The following DMD variants were observed in gnomAD, a reference collection of about 807,000 sequenced individuals.
DMD encodes dystrophin.
A neutral mutation model predicts 330.1 loss-of-function variants in DMD; 63 were observed. The observed-to-expected ratio is 0.19, with a 90% CI of 0.16 to 0.24. The LOEUF (loss-of-function observed/expected upper bound fraction) is 0.24, where lower values mean the gene tolerates loss of function less well. Among genes scored for constraint, DMD ranks in the 10% least tolerant of loss-of-function variants. DMD has a pLI of 1.00. For missense variants in DMD, 3,344 were observed against 2,684.1 expected (o/e 1.25, Z -5.43); for synonymous variants, 1,223 against 959.8 (o/e 1.27, Z -5.07).
intron 44 of DMD, among the ~76,000 whole-genome samples, chrX:32,118,465 C>T (rs1377359018): frequency 9.0e-6 from 1 of 110,740 alleles, no homozygotes; most frequent in Non-Finnish European, 1.9e-5. Flanking sequence ...GGGCTAAACC[C>T]AAGGAACTTC....
chrX:31,729,731 C>G lies in DMD; in HGVS notation c.7560G>C (p.Leu2520Phe). The G allele has an allele frequency of 8.3e-7, 1 of 1,210,025 alleles. No individual in the cohort carries two copies. The highest frequency in any genetic ancestry group is 1.1e-6 in the Non-Finnish European group (1 of 893,975). Residue 2520 changes from leucine to phenylalanine, a missense_variant, in exon 52 of 79, where the codon TTG (leucine) becomes TTC (phenylalanine). Coordinates refer to ENST00000357033, the MANE Select transcript of DMD (RefSeq NM_004006.3). ...IIKQKATMQD[L>F]EQRRPQLEEL... The stretch of plus-strand genomic sequence containing the variant: ...CTTCCAACTGGGGACGCCTCTGTTC[C>G]AAATCCTGCATTGTTGCCTGTAAGA...
chrX:32,735,621 C>A (rs1427775719), intron 7 of DMD, among the ~76,000 whole-genome samples: 17 of 110,887 alleles, frequency 1.5e-4, no homozygotes, highest in African/African-American at 4.6e-4. Context: ...GCATATCTAC[C>A]ACTATCTGAT....
intron 7 of DMD, among the ~76,000 whole-genome samples, chrX:32,750,075 T>A (rs1298495940): frequency 2.7e-5 from 3 of 112,461 alleles, no homozygotes; most frequent in Non-Finnish European, 5.6e-5. Flanking sequence ...AGTACATTTC[T>A]ACATATATAG....
chrX:33,101,931 T>C (rs946900829), intron 1 of DMD, among the ~76,000 whole-genome samples: 1 of 112,035 alleles, frequency 8.9e-6, no homozygotes, highest in Non-Finnish European at 1.9e-5. Context: ...AACCTTTCCA[T>C]CCTCTTGGTA....
chrX:32,626,951 AT>A (rs2058383233), intron 11 of DMD, among the ~76,000 whole-genome samples: 1 of 105,622 alleles, frequency 9.5e-6, no homozygotes, highest in Non-Finnish European at 1.9e-5. Context: ...ATTTATATAA[AT>A]AATGCCTTAA....
intron 29 of DMD, among the ~76,000 whole-genome samples, chrX:32,422,776 T>C (rs1008115978): frequency 9.0e-6 from 1 of 110,964 alleles, no homozygotes; most frequent in African/African-American, 3.3e-5. Context: ...CATTTATCAT[T>C]TTTTTTAAAA....
At chrX:31,891,843 C>A (rs1486026481) in intron 47 of DMD, among the ~76,000 whole-genome samples, 3 of 112,053 alleles carry the variant, frequency 2.7e-5, no homozygotes, top group African/African-American at 9.7e-5. Flanking sequence ...GCCTGTATTT[C>A]AGAGCCGCTT....
intron 37 of DMD, among the ~76,000 whole-genome samples, chrX:32,358,148 A>G (rs1233306198): frequency 2.7e-5 from 3 of 111,174 alleles, no homozygotes; most frequent in African/African-American, 9.8e-5. Context: ...GTCTTCACTC[A>G]TTAGTGCTTT....
At chrX:32,356,692 C>G (rs1247993760) in intron 37 of DMD, among the ~76,000 whole-genome samples, 2 of 111,042 alleles carry the variant, frequency 1.8e-5, no homozygotes, top group Non-Finnish European at 3.8e-5. Flanking sequence ...CTCCTTAGAA[C>G]AGTGAAGTAT....
chrX:32,259,385 G>A (rs1302914059), intron 43 of DMD, among the ~76,000 whole-genome samples: 4 of 110,805 alleles, frequency 3.6e-5, no homozygotes, highest in Non-Finnish European at 7.6e-5. Context: ...TCTATGAAAT[G>A]TATTTTAATA....
chrX:32,999,791 AAC>A (rs1384755149), intron 2 of DMD, among the ~76,000 whole-genome samples: 2 of 102,275 alleles, frequency 2.0e-5, no homozygotes, highest in African/African-American at 3.5e-5. Flanking sequence ...CAAAAACAAA[AAC>A]AAAAACAAAA....
intron 47 of DMD, among the ~76,000 whole-genome samples, chrX:31,898,444 G>A (rs1454832061): frequency 9.0e-6 from 1 of 110,562 alleles, no homozygotes; most frequent in Admixed American, 9.6e-5. Context: ...GAACAGAACA[G>A]AGCCCTCAGA....
intron 7 of DMD, among the ~76,000 whole-genome samples, chrX:32,718,882 A>T (rs2065982892): frequency 8.9e-6 from 1 of 112,280 alleles, no homozygotes; most frequent in African/African-American, 3.2e-5. Context: ...GTCAGCTAAA[A>T]CTTTTTATTC....
chrX:32,419,511 C>T (rs747650996), intron 29 of DMD, among the ~76,000 whole-genome samples: 73 of 111,613 alleles, frequency 6.5e-4, no homozygotes, highest in Middle Eastern at 4.6e-3. Context: ...GGGATATAGG[C>T]GGTAAATAAT....
rs756830743 is a variant in DMD at position 32,081,263 on chromosome X, G to A, written c.6439-112749C>T. 5.3e-5 allele frequency among the ~76,000 whole-genome samples: 6 copies of A among 112,249 alleles called. No individual in the cohort carries two copies. The South Asian group carries it at 2.2e-3, about 42-fold the overall frequency. ...TGACGAAATTGGCTTCTCAACAACA[G>A]AGTGCACACTGCTTGTGTTGCATGT... On this transcript the variant is annotated intron_variant, in intron 44 of 78. Transcript: ENST00000357033.
At chrX:32,424,321 G>T (rs777117271) in intron 29 of DMD, among the ~76,000 whole-genome samples, 1 of 110,806 alleles carries the variant, frequency 9.0e-6, no homozygotes, top group South Asian at 3.8e-4. Context: ...TTCAAAGTAT[G>T]GAAAGATGTA....
At chrX:32,702,796 T>A (rs183011883) in intron 7 of DMD, among the ~76,000 whole-genome samples, 1 of 111,237 alleles carries the variant, frequency 9.0e-6, no homozygotes, top group Admixed American at 9.6e-5. Context: ...AATGACTTCA[T>A]TCAATTTTCA....
At position 31,862,541 on chromosome X, in the gene DMD, T is replaced by C. The variant is rs764637295; in HGVS notation, c.7098+12647A>G. On this transcript the variant is annotated intron_variant, in intron 48 of 78. Coordinates refer to ENST00000357033, the MANE Select transcript of DMD (RefSeq NM_004006.3). The stretch of plus-strand genomic sequence containing the variant: ...ACAGTACTAATTAACTCATTTTCTA[T>C]AAAACTGTGCAGATTATCTTAAAAT... 4.5e-5 allele frequency among the ~76,000 whole-genome samples: 5 copies of C among 112,301 alleles called. No homozygotes were observed. The South Asian group carries it at 1.8e-3, about 41-fold the overall frequency.
chrX:33,121,025 A>G (rs2095421244), intron 1 of DMD, among the ~76,000 whole-genome samples: 1 of 110,139 alleles, frequency 9.1e-6, no homozygotes, highest in Non-Finnish European at 1.9e-5. Flanking sequence ...GATTTTTGGA[A>G]TGCTATTTGC....
Sources: allele counts gnomAD v4.1 joint callset (sites outside exome capture counted in the v4.1 genomes callset), GRCh38; gene constraint gnomAD v4.1.1; transcripts MANE v1.5; gene names NCBI Gene and HGNC (gene_info 2026-07-23, HGNC 2026-07-21).